FAT3: variants seen among roughly 807,000 people sequenced by gnomAD.
FAT3 encodes protocadherin Fat 3.
Under a neutral mutation model 310.2 loss-of-function variants are expected in FAT3, and 95 were observed. The observed-to-expected ratio is 0.31, with a 90% CI of 0.26 to 0.36. FAT3 has a LOEUF of 0.36. FAT3 is among the 10% of genes least tolerant of loss of function. The pLI, the probability that FAT3 is intolerant of heterozygous loss-of-function variation, is 1.00. For missense variants in FAT3, 5,408 were observed against 5,715.6 expected, an observed-to-expected ratio of 0.95 and a Z score of 1.74; for synonymous variants, 2,314 against 2,192.9, an observed-to-expected ratio of 1.06 and a Z score of -1.54.
chr11:92,399,183 C>A lies in FAT3; in HGVS notation c.3292+43779C>A, dbSNP rs190637458. 2.0e-5 allele frequency among the ~76,000 whole-genome samples: 3 copies of A among 152,288 alleles called. No individual in the cohort carries two copies. The East Asian group carries it at 5.8e-4, about 29-fold the overall frequency. The stretch of plus-strand genomic sequence containing the variant: ...TGTAAATAGTTTATGAGTTCTCCAG[C>A]CTTTTAATGTAAGACTAAGAGTTTT... On this transcript the variant is annotated intron_variant, in intron 2 of 27. Transcript: ENST00000525166.
chr11:92,722,143 C>G (rs1165057813), intron 4 of FAT3, among the ~76,000 whole-genome samples: 1 of 152,166 alleles, frequency 6.6e-6, no homozygotes, highest in Admixed American at 6.5e-5. Flanking sequence ...TGAAACAAAG[C>G]AAGTCCCTTC....
chr11:92,323,077 T>C (rs1377926482), intron 1 of FAT3, among the ~76,000 whole-genome samples: 1 of 152,178 alleles, frequency 6.6e-6, no homozygotes, highest in African/African-American at 2.4e-5. Context: ...ATAGTAAGAC[T>C]TGAAGTTGAT....
At chr11:92,320,174 G>A (rs1411945274) in intron 1 of FAT3, among the ~76,000 whole-genome samples, 2 of 152,282 alleles carry the variant, frequency 1.3e-5, no homozygotes, top group East Asian at 3.9e-4. Flanking sequence ...TTTTTGCAAT[G>A]AGTAATGGCA....
At chr11:92,399,967 C>T (rs761064789) in intron 2 of FAT3, among the ~76,000 whole-genome samples, 1 of 152,178 alleles carries the variant, frequency 6.6e-6, no homozygotes, top group Non-Finnish European at 1.5e-5. Flanking sequence ...GCCTGCTATA[C>T]TTCAAGAGTC....
At chr11:92,453,241 C>T (rs935289944) in intron 2 of FAT3, among the ~76,000 whole-genome samples, 5 of 152,150 alleles carry the variant, frequency 3.3e-5, no homozygotes, top group East Asian at 1.9e-4. Flanking sequence ...CATAGCAAGA[C>T]AGATTATTAC....
chr11:92,768,477 C>G (rs1029717768), intron 6 of FAT3, among the ~76,000 whole-genome samples: 1 of 152,156 alleles, frequency 6.6e-6, no homozygotes, highest in Admixed American at 6.5e-5. Flanking sequence ...CTTTCTAATC[C>G]ATCAGAGTCA....
chr11:92,494,695 A>G (rs1223723795), intron 2 of FAT3, among the ~76,000 whole-genome samples: 1 of 152,072 alleles, frequency 6.6e-6, no homozygotes, highest in African/African-American at 2.4e-5. Flanking sequence ...ATTGGGATTT[A>G]TAGCCAAGCC....
intron 1 of FAT3, among the ~76,000 whole-genome samples, chr11:92,239,002 T>G (rs1179934978): frequency 6.6e-6 from 1 of 152,178 alleles, no homozygotes; most frequent in African/African-American, 2.4e-5. Flanking sequence ...CTAACATTGC[T>G]GAGAGCTTTA....
At chr11:92,661,626 G>A (rs912539775) in intron 3 of FAT3, among the ~76,000 whole-genome samples, 1 of 151,692 alleles carries the variant, frequency 6.6e-6, no homozygotes, top group Admixed American at 6.6e-5. Context: ...GTTGACACAT[G>A]CCCATTCAAA....
chr11:92,385,265 C>G (rs533142154), intron 2 of FAT3, among the ~76,000 whole-genome samples: 1 of 152,148 alleles, frequency 6.6e-6, no homozygotes, highest in Admixed American at 6.5e-5. Flanking sequence ...TTTGAGTTAT[C>G]TGGCATCCCA....
chr11:92,612,070 G>A (rs16917900), intron 3 of FAT3, among the ~76,000 whole-genome samples: 5,125 of 152,200 alleles, frequency 0.034, 213 homozygotes, highest in East Asian at 0.21. Context: ...GGCACATTGG[G>A]AACATTTAAT....
intron 1 of FAT3, among the ~76,000 whole-genome samples, chr11:92,319,537 A>C (rs1947553730): frequency 6.6e-6 from 1 of 152,234 alleles, no homozygotes; most frequent in Non-Finnish European, 1.5e-5. Flanking sequence ...AATAGTGTGA[A>C]TATTCCTTCC....
chr11:92,831,673 T>C lies in FAT3; in HGVS notation c.9533T>C (p.Phe3178Ser). 1 of 1,613,458 alleles carries C rather than the reference T, an allele frequency of 6.2e-7. No individual in the cohort carries two copies. The highest frequency in any genetic ancestry group is 2.2e-5 in the East Asian group (1 of 44,860). Residue 3178 changes from phenylalanine to serine, a missense_variant, in exon 14 of 28, where the codon TTC (phenylalanine) becomes TCC (serine). By Grantham distance (155) the Phe-to-Ser change is radical. Transcript: ENST00000525166. Reference sequence around the variant, plus strand: ...CTGGCAGACTCAGCTGGTGGGGTCTTCTCCATTGACAGCTCATCTGGCATC... The same window carrying C: ...CTGGCAGACTCAGCTGGTGGGGTCTCCTCCATTGACAGCTCATCTGGCATC... ...YSLADSAGGV[F>S]SIDSSSGIII...
intron 1 of FAT3, among the ~76,000 whole-genome samples, chr11:92,266,293 G>A (rs1945946584): frequency 6.6e-6 from 1 of 152,128 alleles, no homozygotes; most frequent in African/African-American, 2.4e-5. Context: ...ATGAAAAAGT[G>A]TCTAAATACC....
At chr11:92,585,122 T>A (rs1353027072) in intron 3 of FAT3, among the ~76,000 whole-genome samples, 1 of 152,052 alleles carries the variant, frequency 6.6e-6, no homozygotes, top group Non-Finnish European at 1.5e-5. Flanking sequence ...ATTTGCAAAT[T>A]CTTGATAACC....
Position 92,798,370 on chromosome 11 carries a change from G to C in FAT3, c.5357G>C (p.Ser1786Thr), listed in dbSNP as rs760537359. 82 of 1,613,290 alleles carry C rather than the reference G, an allele frequency of 5.1e-5. 3 individuals are homozygous for C. The Admixed American group carries it at 1.1e-3, about 22-fold the overall frequency. Reference sequence around the variant, plus strand: ...CTAAGTGAGGCTGCCCCAATTAATAGCATTGTCAGGAGCTTGGATAACAGC... The same window carrying C: ...CTAAGTGAGGCTGCCCCAATTAATACCATTGTCAGGAGCTTGGATAACAGC... Reference protein sequence around the residue: ...GSLSEAAPINSIVRSLDNSPL... With the variant: ...GSLSEAAPINTIVRSLDNSPL... The change falls in exon 10 of 28, where the codon AGC (serine) becomes ACC (threonine). Residue 1786 changes from serine (S) to threonine (T), a missense_variant. Coordinates refer to ENST00000525166, the MANE Select transcript of FAT3 (RefSeq NM_001367949.2).
chr11:92,455,703 C>T (rs1010427750), intron 2 of FAT3, among the ~76,000 whole-genome samples: 1 of 152,110 alleles, frequency 6.6e-6, no homozygotes, highest in Non-Finnish European at 1.5e-5. Flanking sequence ...GACCTGAATC[C>T]TAGCTCCACT....
chr11:92,687,382 G>A (rs1236459133), intron 3 of FAT3, among the ~76,000 whole-genome samples: 4 of 152,166 alleles, frequency 2.6e-5, no homozygotes, highest in Non-Finnish European at 5.9e-5. Context: ...CTTCTGTCTC[G>A]TTAATCTTAA....
At position 92,793,103 on chromosome 11, in the gene FAT3, A is replaced by G. The variant is rs183368435; in HGVS notation, c.4822+126A>G. 1.3e-5 allele frequency: 12 copies of G among 926,586 alleles called. No homozygotes were observed. In the Admixed American group the frequency reaches 2.3e-4, roughly 18 times the overall value. 57.4% of individuals were successfully genotyped at this position (926,586 alleles called of 1,614,324 possible). ...ATCTCTAAATGAACTTTTTTGGCCA[A>G]GCCGCTGTCCTATTTGGGAGATGAT... On this transcript the variant is annotated intron_variant, in intron 9 of 27. Coordinates refer to ENST00000525166, the MANE Select transcript of FAT3 (RefSeq NM_001367949.2).
Sources: gnomAD v4.1 joint callset for allele counts (sites outside exome capture counted in the v4.1 genomes callset) on GRCh38, gnomAD v4.1.1 for gene constraint, MANE v1.5 for transcripts, NCBI Gene and HGNC (gene_info 2026-07-23, HGNC 2026-07-21) for gene names.